SAMD12: variants seen among roughly 807,000 people sequenced by gnomAD.
SAMD12 encodes sterile alpha motif domain-containing protein 12.
A neutral mutation model predicts 15.0 loss-of-function variants in SAMD12; 9 were observed. The ratio of observed to expected loss-of-function variants is 0.60; its 90% confidence interval spans 0.36 to 1.05. The LOEUF (loss-of-function observed/expected upper bound fraction) is 1.05. SAMD12 is among the 50% of genes least tolerant of loss of function. The pLI is 0.01. For missense variants in SAMD12, 230 were observed against 234.2 expected, an observed-to-expected ratio of 0.98 and a Z score of 0.12; for synonymous variants, 86 against 90.1, an observed-to-expected ratio of 0.96 and a Z score of 0.25.
intron 1 of SAMD12, 89 bp from the exon 2 acceptor site, chr8:118,580,982 A>G (rs1827283263): frequency 1.0e-6 from 1 of 996,546 alleles, no homozygotes; most frequent in Non-Finnish European, 1.5e-6. Context: ...CTAAGTAGGA[A>G]AAAAACGAGG....
intron 2 of SAMD12, among the ~76,000 whole-genome samples, chr8:118,549,150 C>T (rs1040733527): frequency 1.3e-5 from 2 of 152,244 alleles, no homozygotes; most frequent in African/African-American, 4.8e-5. Flanking sequence ...TGAAATGTCC[C>T]TGTCTGACAG....
intron 4 of SAMD12, among the ~76,000 whole-genome samples, chr8:118,357,393 A>G (rs754202518): frequency 9.9e-5 from 15 of 152,094 alleles, no homozygotes; most frequent in Non-Finnish European, 2.1e-4. Flanking sequence ...ATGCACCACC[A>G]TATCCAGCTA....
chr8:118,158,536 C>T, the SAMD12 span, among the ~76,000 whole-genome samples: 265 of 152,354 alleles, frequency 1.7e-3, no homozygotes, highest in African/African-American at 6.2e-3. Context: ...TTTGCACAAA[C>T]AGCCTGGGCA....
intron 4 of SAMD12, among the ~76,000 whole-genome samples, chr8:118,275,672 G>T (rs1007405661): frequency 6.6e-6 from 1 of 152,186 alleles, no homozygotes; most frequent in Non-Finnish European, 1.5e-5. Flanking sequence ...AGTGAGCACA[G>T]TATCCAACAG....
chr8:118,483,360 A>C (rs1016789370), intron 2 of SAMD12, among the ~76,000 whole-genome samples: 1 of 152,228 alleles, frequency 6.6e-6, no homozygotes, highest in African/African-American at 2.4e-5. Context: ...TGTACACCAA[A>C]AAAGACTGAC....
rs200824127 is a variant in SAMD12, at chr8:118,621,830, C to T, written c.-14G>A. The stretch of plus-strand genomic sequence containing the variant: ...TTCCACAGCCATTCTCTCAGAGCTT[C>T]CCTAACGCATGCATAATTTTCTTGG... On this transcript the variant is annotated 5_prime_UTR_variant, in exon 1 of 4. Transcript: ENST00000314727. The T allele has an allele frequency of 1.2e-4, 201 of 1,614,118 alleles. 2 individuals are homozygous for T. The East Asian group carries it at 2.9e-3, about 23-fold the overall frequency.
Position 118,600,759 on chromosome 8 carries a change from ATG to A in SAMD12, c.14-19868_14-19867del, listed in dbSNP as rs531697613. Among the ~76,000 whole-genome samples the A allele has an allele frequency of 1.1e-4, 17 of 152,176 alleles. No individual in the cohort carries two copies. The South Asian group carries it at 3.5e-3, about 32-fold the overall frequency. The stretch of plus-strand genomic sequence containing the variant: ...AGAGCCTTGAAGTCTTATCTTTGTT[ATG>A]CACATTTCTCCCAAGCCATTTGTGC... On this transcript the variant is annotated intron_variant, in intron 1 of 3. Transcript: ENST00000314727.
chr8:118,607,504 G>A (rs913112675), intron 1 of SAMD12, among the ~76,000 whole-genome samples: 1 of 152,178 alleles, frequency 6.6e-6, no homozygotes, highest in Non-Finnish European at 1.5e-5. Context: ...CCAAAGTGCT[G>A]GGATTACAGG....
In SAMD12 at chr8:118,439,944, T is replaced by C. The variant is rs373831492; in HGVS notation, c.210A>G (p.Leu70=). 2.2e-5 allele frequency: 35 copies of C among 1,613,602 alleles called. No homozygotes were observed. The highest frequency in any genetic ancestry group is 4.5e-5 in the East Asian group (2 of 44,878). The change falls in exon 3 of 4, where the codon CTA becomes CTG. Residue 70 remains leucine, a synonymous_variant. Transcript: ENST00000314727. The stretch of plus-strand genomic sequence containing the variant: ...GGGTCCATAGAGCCACCGGTTTAGA[T>C]AGCTTCACCGTAGCTGACTATAAAT... ...AETAKSATVK[L]SKPVALWTQQ...
intron 2 of SAMD12, among the ~76,000 whole-genome samples, chr8:118,440,695 CAA>C (rs1411943086): frequency 2.8e-4 from 37 of 133,662 alleles, no homozygotes; most frequent in East Asian, 1.0e-3. Context: ...CACACACACA[CAA>C]ACACACACAC....
chr8:118,382,048 T>G (rs1451766090), intron 3 of SAMD12, among the ~76,000 whole-genome samples: 1 of 152,166 alleles, frequency 6.6e-6, no homozygotes, highest in Non-Finnish European at 1.5e-5. Context: ...AGTCCAGAAG[T>G]TTCACTCAGA....
At chr8:118,580,378 T>C (rs1156552036) in intron 2 of SAMD12, among the ~76,000 whole-genome samples, 1 of 151,454 alleles carries the variant, frequency 6.6e-6, no homozygotes, top group East Asian at 1.9e-4. Flanking sequence ...AGATGAAGAA[T>C]CTGCAACTCA....
chr8:118,170,078 G>A, the SAMD12 span, among the ~76,000 whole-genome samples: 2 of 152,110 alleles, frequency 1.3e-5, no homozygotes, highest in Middle Eastern at 3.2e-3. Context: ...TAAATTATAT[G>A]CATCATACAT....
At chr8:118,184,979 T>G (rs1424434091), downstream of SAMD12, among the ~76,000 whole-genome samples, 1 of 152,048 alleles carries the variant, frequency 6.6e-6, no homozygotes, top group Non-Finnish European at 1.5e-5. Flanking sequence ...TCTTTAAAGA[T>G]TTTTGGCTTA....
At chr8:118,511,776 G>A (rs1057332511) in intron 2 of SAMD12, among the ~76,000 whole-genome samples, 19 of 152,214 alleles carry the variant, frequency 1.2e-4, no homozygotes, top group Non-Finnish European at 2.4e-4. Context: ...GACACAATGT[G>A]ATTGTAGTTA....
At chr8:118,442,510 G>A (rs967428256) in intron 2 of SAMD12, among the ~76,000 whole-genome samples, 4 of 152,206 alleles carry the variant, frequency 2.6e-5, no homozygotes, top group African/African-American at 7.2e-5. Flanking sequence ...AGAGGAAGAC[G>A]TTGGGCATGG....
intron 1 of SAMD12, 144 bp downstream of exon 1, chr8:118,621,660 G>C (rs1165279897): frequency 1.1e-6 from 1 of 875,750 alleles, no homozygotes; most frequent in Middle Eastern, 3.0e-4. Context: ...GCGCAGGTGA[G>C]TGCCAAGAGG....
At chr8:118,368,261 C>T (rs768468460) in intron 4 of SAMD12, among the ~76,000 whole-genome samples, 1 of 152,100 alleles carries the variant, frequency 6.6e-6, no homozygotes, top group Non-Finnish European at 1.5e-5. Context: ...ACACGTGATT[C>T]GCAGATCATA....
At position 118,320,714 on chromosome 8, in the gene SAMD12, G is replaced by A. The variant is rs543568729; in HGVS notation, c.433+58846C>T. 4.6e-5 allele frequency among the ~76,000 whole-genome samples: 7 copies of A among 150,856 alleles called. No homozygotes were observed. The East Asian group carries it at 7.8e-4, about 17-fold the overall frequency. On this transcript the variant is annotated intron_variant, in intron 4 of 4. Transcript: ENST00000409003. ...GATAGCATTAGGAGATATACCTAAC[G>A]TAAATGATGAGTTAATGGGTGCAGC...
Sources: gnomAD v4.1 joint callset for allele counts (sites outside exome capture counted in the v4.1 genomes callset) on GRCh38, gnomAD v4.1.1 for gene constraint, MANE v1.5 for transcripts, NCBI Gene and HGNC (gene_info 2026-07-23, HGNC 2026-07-21) for gene names.